TNKS: variants seen among roughly 807,000 people sequenced by gnomAD.
TNKS encodes tankyrase.
In TNKS, 72 loss-of-function variants were observed where a neutral mutation model predicts 135.8. The observed-to-expected ratio is 0.53, with a 90% CI of 0.44 to 0.64. The LOEUF (loss-of-function observed/expected upper bound fraction) is 0.64. Among genes scored for constraint, TNKS ranks in the 30% least tolerant of loss-of-function variants. The pLI, the probability that TNKS is intolerant of heterozygous loss-of-function variation, is 0.00. For synonymous variants in TNKS, 849 were observed against 649.3 expected (o/e 1.31, Z -4.68); for missense variants, 1,769 against 1,674.0 (o/e 1.06, Z -0.99).
At chr8:9,770,685 A>C (rs753333588) in intron 26 of TNKS, among the ~76,000 whole-genome samples, 1 of 152,244 alleles carries the variant, frequency 6.6e-6, no homozygotes, top group Non-Finnish European at 1.5e-5. Flanking sequence ...TGAATACCAT[A>C]ACTACAATAA....
chr8:9,620,158 C>T (rs1023824442), intron 3 of TNKS, among the ~76,000 whole-genome samples: 1 of 152,104 alleles, frequency 6.6e-6, no homozygotes, highest in African/African-American at 2.4e-5. Context: ...CCACTTTGGC[C>T]AGGATGGTCT....
At chr8:9,757,643 G>C (rs1030533532) in intron 20 of TNKS, among the ~76,000 whole-genome samples, 5 of 152,116 alleles carry the variant, frequency 3.3e-5, no homozygotes, top group East Asian at 1.9e-4. Context: ...CTTAGGGATT[G>C]TCCAAGACAT....
chr8:9,769,160 T>C (rs1013992754), intron 25 of TNKS, among the ~76,000 whole-genome samples: 4 of 152,238 alleles, frequency 2.6e-5, no homozygotes, highest in Non-Finnish European at 4.4e-5. Flanking sequence ...TCTGCCCTTG[T>C]AGCGCAAAAG....
At chr8:9,655,785 G>C (rs535623577) in intron 3 of TNKS, among the ~76,000 whole-genome samples, 1 of 152,024 alleles carries the variant, frequency 6.6e-6, no homozygotes, top group Middle Eastern at 3.2e-3. Flanking sequence ...AAACCACCAA[G>C]ATGGGGAAAA....
At chr8:9,751,583 G>A (rs762338371) in intron 18 of TNKS, 26 bp from the exon 19 acceptor site, 44 of 1,593,870 alleles carry the variant, frequency 2.8e-5, no homozygotes, top group Non-Finnish European at 1.5e-5. Flanking sequence ...TATTTTCATG[G>A]TTTTTGTTTT....
chr8:9,687,212 T>A (rs983634599), intron 5 of TNKS, among the ~76,000 whole-genome samples: 6 of 152,208 alleles, frequency 3.9e-5, no homozygotes, highest in African/African-American at 1.4e-4. Context: ...AATTTCCAAC[T>A]TTTATGGATC....
At chr8:9,682,300 G>A (rs1802815769) in intron 5 of TNKS, among the ~76,000 whole-genome samples, 1 of 152,056 alleles carries the variant, frequency 6.6e-6, no homozygotes. Flanking sequence ...TCTACAGCCG[G>A]AGTCGATTTC....
intron 14 of TNKS, among the ~76,000 whole-genome samples, chr8:9,731,374 C>T (rs1349438935): frequency 1.4e-5 from 2 of 144,564 alleles, no homozygotes; most frequent in Non-Finnish European, 3.0e-5. Flanking sequence ...GCAGGAGAAT[C>T]ACTTGAACCC....
At chr8:9,707,735 A>G (rs976665831) in intron 8 of TNKS, among the ~76,000 whole-genome samples, 4 of 152,214 alleles carry the variant, frequency 2.6e-5, no homozygotes, top group Admixed American at 2.6e-4. Flanking sequence ...TCACCTGGTT[A>G]TGAAAATAAT....
At chr8:9,673,247 A>C (rs571625341) in intron 3 of TNKS, among the ~76,000 whole-genome samples, 57 of 152,138 alleles carry the variant, frequency 3.7e-4, no homozygotes, top group Non-Finnish European at 2.8e-4. Context: ...AGCTTTTACA[A>C]AGCTTTTATT....
chr8:9,705,316 A>C (rs565511454), intron 6 of TNKS, among the ~76,000 whole-genome samples: 88 of 152,288 alleles, frequency 5.8e-4, no homozygotes, highest in African/African-American at 2.0e-3. Flanking sequence ...AAGTCTCCAG[A>C]GATATACGAT....
At position 9,725,770 on chromosome 8, in the gene TNKS, A is replaced by T. The variant is rs539198172; in HGVS notation, c.1922-871A>T. Among the ~76,000 whole-genome samples, 16 of 152,352 alleles carry T rather than the reference A, an allele frequency of 1.1e-4. No individual in the cohort carries two copies. The South Asian group carries it at 2.9e-3, about 28-fold the overall frequency. On this transcript the variant is annotated intron_variant, in intron 12 of 26. Transcript: ENST00000310430. ...AAAGCCACACTTCATGTACATAAAC[A>T]TACTTTTGGTTGACATATTATAAAT...
chr8:9,570,666 A>C (rs1351297315), intron 1 of TNKS, among the ~76,000 whole-genome samples: 1 of 152,142 alleles, frequency 6.6e-6, no homozygotes, highest in Non-Finnish European at 1.5e-5. Context: ...TGGGCTTGGG[A>C]CTCAGATGTC....
chr8:9,766,485 T>TA, intron 25 of TNKS, 60 bp downstream of exon 25: 1 of 594,522 alleles, frequency 1.7e-6, no homozygotes, highest in Non-Finnish European at 2.2e-6. Flanking sequence ...CAAATTGTCT[T>TA]TTTTTTTTTT....
At chr8:9,703,114 C>G (rs1455432266) in intron 5 of TNKS, among the ~76,000 whole-genome samples, 1 of 152,106 alleles carries the variant, frequency 6.6e-6, no homozygotes, top group Non-Finnish European at 1.5e-5. Context: ...GTTTCAGGAG[C>G]CCGGTAGATG....
chr8:9,630,784 A>C (rs1014464156), intron 3 of TNKS, among the ~76,000 whole-genome samples: 3 of 152,228 alleles, frequency 2.0e-5, no homozygotes, highest in Non-Finnish European at 4.4e-5. Context: ...ATCGTAAATG[A>C]ATGAAATAAC....
At chr8:9,672,722 AAAC>A (rs1563158561) in intron 3 of TNKS, among the ~76,000 whole-genome samples, 1 of 145,972 alleles carries the variant, frequency 6.9e-6, no homozygotes. Context: ...AAAAAAAAAA[AAAC>A]AAACTAATAT....
At chr8:9,711,064 G>A (rs980559030) in intron 11 of TNKS, among the ~76,000 whole-genome samples, 1 of 152,076 alleles carries the variant, frequency 6.6e-6, no homozygotes, top group Non-Finnish European at 1.5e-5. Context: ...TTTTAGAGGT[G>A]ACTTGAAATT....
At chr8:9,635,057 C>A (rs974651912) in intron 3 of TNKS, among the ~76,000 whole-genome samples, 2 of 152,112 alleles carry the variant, frequency 1.3e-5, no homozygotes, top group African/African-American at 4.8e-5. Context: ...GTAGGCGCGG[C>A]CACTCGGGAG....
Sources: allele counts gnomAD v4.1 joint callset (sites outside exome capture counted in the v4.1 genomes callset), GRCh38; gene constraint gnomAD v4.1.1; transcripts MANE v1.5; gene names NCBI Gene and HGNC (gene_info 2026-07-23, HGNC 2026-07-21).